The following PDE1C variants were observed in gnomAD, a reference collection of about 807,000 sequenced individuals.
PDE1C encodes phosphodiesterase 1C, also known as dual specificity calcium/calmodulin-dependent 3',5'-cyclic nucleotide phosphodiesterase 1C.
Under a neutral mutation model 93.1 loss-of-function variants are expected in PDE1C, and 62 were observed. That is an observed-to-expected ratio of 0.67 (90% CI 0.54 to 0.82). PDE1C has a LOEUF of 0.82. Among genes scored for constraint, PDE1C ranks in the 40% least tolerant of loss-of-function variants. The pLI is 0.00. For synonymous variants in PDE1C, 325 were observed against 310.1 expected (o/e 1.05, Z -0.50); for missense variants, 742 against 884.6 (o/e 0.84, Z 2.04).
the PDE1C span, among the ~76,000 whole-genome samples, chr7:31,717,906 T>C: frequency 2.6e-5 from 4 of 152,280 alleles, no homozygotes; most frequent in Non-Finnish European, 5.9e-5. Flanking sequence ...TCTTCAAAAC[T>C]GGCTGGTATC....
chr7:32,192,505 T>C (rs957572249), intron 2 of PDE1C, among the ~76,000 whole-genome samples: 3 of 152,192 alleles, frequency 2.0e-5, no homozygotes, highest in African/African-American at 7.2e-5. Context: ...AGCATATTTT[T>C]GTGGATTCAT....
intron 1 of PDE1C, among the ~76,000 whole-genome samples, chr7:32,375,200 G>A (rs150437379): frequency 1.3e-5 from 2 of 152,250 alleles, no homozygotes; most frequent in East Asian, 3.9e-4. Flanking sequence ...CACCTCTTTG[G>A]AGAGAAGCAT....
chr7:31,875,239 A>G (rs572600738), intron 5 of PDE1C, among the ~76,000 whole-genome samples: 2 of 152,230 alleles, frequency 1.3e-5, no homozygotes, highest in African/African-American at 4.8e-5. Flanking sequence ...CCTAGTGTCC[A>G]GAAAGGAAAG....
At chr7:32,085,284 C>A (rs1248010982) in intron 3 of PDE1C, among the ~76,000 whole-genome samples, 2 of 129,268 alleles carry the variant, frequency 1.5e-5, no homozygotes, top group Non-Finnish European at 3.3e-5. Context: ...ACACATACAC[C>A]CTCCCAAGAC....
intron 2 of PDE1C, among the ~76,000 whole-genome samples, chr7:31,964,998 AGATG>A (rs1809678154): frequency 6.6e-6 from 1 of 152,196 alleles, no homozygotes. Context: ...AAAACCACAA[AGATG>A]GGGAAAAAAA....
intron 2 of PDE1C, among the ~76,000 whole-genome samples, chr7:32,024,085 T>C (rs188200529): frequency 7.3e-4 from 111 of 152,232 alleles, no homozygotes; most frequent in Middle Eastern, 3.4e-3. Flanking sequence ...CTTTAAAATA[T>C]ATGTAGTCAA....
chr7:32,384,289 A>G (rs983706080), intron 1 of PDE1C, among the ~76,000 whole-genome samples: 7 of 152,236 alleles, frequency 4.6e-5, no homozygotes, highest in Admixed American at 2.6e-4. Context: ...AATAACACCT[A>G]TAATCCAGGA....
the PDE1C span, chr7:31,695,447 C>A: frequency 6.3e-7 from 1 of 1,583,214 alleles, no homozygotes; most frequent in Non-Finnish European, 8.6e-7. Context: ...TTCTTTATTT[C>A]TTTGTATCCT....
the PDE1C span, among the ~76,000 whole-genome samples, chr7:31,664,519 T>A: frequency 1.9e-3 from 292 of 152,328 alleles, no homozygotes; most frequent in Non-Finnish European, 3.4e-3. Flanking sequence ...GCCATAAGAA[T>A]GGGACACAGA....
At chr7:32,403,875 C>G (rs534970227) in intron 1 of PDE1C, among the ~76,000 whole-genome samples, 27 of 152,192 alleles carry the variant, frequency 1.8e-4, no homozygotes, top group African/African-American at 6.0e-4. Context: ...TAGAAGATAT[C>G]TTTTTTCCAG....
At chr7:31,869,126 A>G (rs1319266879) in intron 6 of PDE1C, among the ~76,000 whole-genome samples, 1 of 152,154 alleles carries the variant, frequency 6.6e-6, no homozygotes, top group Non-Finnish European at 1.5e-5. Flanking sequence ...AAGCAAATAC[A>G]CAAATGAGGA....
intron 2 of PDE1C, among the ~76,000 whole-genome samples, chr7:31,895,554 A>G (rs1799179615): frequency 6.7e-6 from 1 of 150,024 alleles, no homozygotes; most frequent in Non-Finnish European, 1.5e-5. Context: ...GGTTTCATGA[A>G]TTGGATTATT....
intron 1 of PDE1C, among the ~76,000 whole-genome samples, chr7:32,355,311 G>A (rs1444794747): frequency 3.3e-5 from 5 of 152,224 alleles, no homozygotes. Context: ...AGCAGGCTAA[G>A]CCTCCCTTAG....
At chr7:32,136,232 T>C (rs1326987192) in intron 3 of PDE1C, among the ~76,000 whole-genome samples, 1 of 152,228 alleles carries the variant, frequency 6.6e-6, no homozygotes, top group African/African-American at 2.4e-5. Flanking sequence ...TTAATTTTAC[T>C]ACGGTAATCA....
chr7:32,412,451 G>A (rs1410078532), intron 1 of PDE1C, among the ~76,000 whole-genome samples: 1 of 127,300 alleles, frequency 7.9e-6, no homozygotes, highest in African/African-American at 4.0e-5. Flanking sequence ...GTGAGACCCT[G>A]TCTCAAAAAA....
intron 17 of PDE1C, among the ~76,000 whole-genome samples, chr7:31,767,997 C>G (rs185287731): frequency 6.6e-6 from 1 of 152,184 alleles, no homozygotes; most frequent in Non-Finnish European, 1.5e-5. Context: ...GTAAAATAAA[C>G]CTTCTTGAAA....
intron 1 of PDE1C, among the ~76,000 whole-genome samples, chr7:32,248,233 C>A (rs1298008083): frequency 6.6e-6 from 1 of 152,092 alleles, no homozygotes; most frequent in East Asian, 1.9e-4. Flanking sequence ...TTGATAGAAA[C>A]AATGGGGGAC....
chr7:31,977,140 C>A (rs1811771079), intron 2 of PDE1C, among the ~76,000 whole-genome samples: 1 of 152,170 alleles, frequency 6.6e-6, no homozygotes. Context: ...GAACAATCCT[C>A]AAATTCATAT....
chr7:31,910,690 G>T (rs569061580), intron 2 of PDE1C, among the ~76,000 whole-genome samples: 34 of 152,266 alleles, frequency 2.2e-4, no homozygotes, highest in Admixed American at 5.2e-4. Context: ...AATGGCCTGG[G>T]TTTCAATCCC....
Sources: gnomAD v4.1 joint callset for allele counts (sites outside exome capture counted in the v4.1 genomes callset) on GRCh38, gnomAD v4.1.1 for gene constraint, MANE v1.5 for transcripts, NCBI Gene and HGNC (gene_info 2026-07-23, HGNC 2026-07-21) for gene names.